RERE: variants seen among roughly 807,000 people sequenced by gnomAD.
RERE encodes arginine-glutamic acid dipeptide repeats protein.
RERE carries 40 observed loss-of-function variants against 146.1 expected under a neutral mutation model. That is an observed-to-expected ratio of 0.27 (90% confidence interval 0.21 to 0.36). The LOEUF (loss-of-function observed/expected upper bound fraction) is 0.36, where lower values mean the gene tolerates loss of function less well. Among genes scored for constraint, RERE ranks in the 10% least tolerant of loss-of-function variants. The probability of loss-of-function intolerance (pLI) is 1.00; values close to 1 mark genes in which losing one functional copy is unlikely to be tolerated. For synonymous variants in RERE, 1,003 were observed against 866.0 expected (o/e 1.16, Z -2.78); for missense variants, 1,933 against 2,138.7 (o/e 0.90, Z 1.90).
chr1:8,644,348 T>C (rs1003409354), intron 2 of RERE, among the ~76,000 whole-genome samples: 2 of 152,170 alleles, frequency 1.3e-5, no homozygotes, highest in African/African-American at 2.4e-5. Flanking sequence ...TAGCATGTGG[T>C]TGGAACGGTC....
chr1:8,574,403 G>A (rs1646263573), intron 4 of RERE, among the ~76,000 whole-genome samples: 1 of 132,262 alleles, frequency 7.6e-6, no homozygotes, highest in South Asian at 2.4e-4. Context: ...GGAGTGCAGT[G>A]GCACGATCTC....
At chr1:8,773,675 T>C (rs1178371365) in intron 1 of RERE, among the ~76,000 whole-genome samples, 2 of 152,038 alleles carry the variant, frequency 1.3e-5, no homozygotes, top group Non-Finnish European at 2.9e-5. Context: ...AACACAAAAA[T>C]TAGCCGGGCG....
Position 8,354,965 on chromosome 1 carries a change from A to G in RERE, c.*122T>C. On this transcript the variant is annotated 3_prime_UTR_variant, in exon 23 of 23. Coordinates refer to ENST00000400908, the MANE Select transcript of RERE (RefSeq NM_001042681.2). ...TACATTTTTAGTTGTGGGTTTTTAAATATATAAAGAAATCTTTAGAAGATA... is the reference window on the plus strand; with the variant it reads ...TACATTTTTAGTTGTGGGTTTTTAAGTATATAAAGAAATCTTTAGAAGATA... 1 of 787,800 alleles carries G rather than the reference A, an allele frequency of 1.3e-6. No homozygotes were observed. The highest frequency in any genetic ancestry group is 2.1e-6 in the Non-Finnish European group (1 of 485,638). The allele number at this position is 787,800 out of a possible 1,614,324, so 48.8% of individuals were successfully genotyped here.
At chr1:8,779,241 G>A (rs7513880) in intron 1 of RERE, among the ~76,000 whole-genome samples, 81,059 of 151,596 alleles carry the variant, frequency 0.53, 22,333 homozygotes, top group East Asian at 0.83. Context: ...TAGAATATAA[G>A]TTCCATCCGG....
At chr1:8,424,699 C>G (rs1163650066) in intron 11 of RERE, 2 of 152,198 alleles carry the variant, frequency 1.3e-5, no homozygotes, top group African/African-American at 4.8e-5. Flanking sequence ...GGAAGGCAGA[C>G]AGGTAAACAA....
chr1:8,565,682 G>A (rs1022391312), intron 4 of RERE, among the ~76,000 whole-genome samples: 4 of 152,220 alleles, frequency 2.6e-5, no homozygotes, highest in Non-Finnish European at 1.5e-5. Context: ...CTGCACTCCA[G>A]CCTGGGCAAC....
chr1:8,517,696 A>G (rs1423650970), intron 7 of RERE, among the ~76,000 whole-genome samples: 1 of 152,226 alleles, frequency 6.6e-6, no homozygotes, highest in African/African-American at 2.4e-5. Flanking sequence ...AAGTCATTGT[A>G]TATGAAATCT....
intron 6 of RERE, among the ~76,000 whole-genome samples, chr1:8,549,971 G>A (rs1188701429): frequency 1.3e-5 from 2 of 152,220 alleles, no homozygotes; most frequent in African/African-American, 4.8e-5. Context: ...ATAATTAAAT[G>A]CAATGTGGGA....
At position 8,364,403 on chromosome 1, in the gene RERE, C is replaced by CT; in HGVS notation, c.1541-149dup. The CT allele has an allele frequency of 1.4e-6, 1 of 702,366 alleles. No homozygotes were observed. The allele number at this position is 702,366 out of a possible 1,614,324, so 43.5% of individuals were successfully genotyped here. ...GGGCCCCAACACCCCAGGGCTAGTG[C>CT]TGCCCTGCTCCCCCAAGGCCAGGAG... On this transcript the variant is annotated intron_variant, in intron 14 of 22. Coordinates refer to ENST00000400908, the MANE Select transcript of RERE (RefSeq NM_001042681.2). This position sits in a 1 kb window ranked among gnomAD's most constrained non-coding sequence, Gnocchi z 5.1.
At chr1:8,431,501 TGTA>T in intron 11 of RERE, among the ~76,000 whole-genome samples, 1 of 152,130 alleles carries the variant, frequency 6.6e-6, no homozygotes. Context: ...CATATTACAA[TGTA>T]ATAATAATAG....
chr1:8,383,945 T>C (rs1224763212), intron 12 of RERE, among the ~76,000 whole-genome samples: 1 of 152,148 alleles, frequency 6.6e-6, no homozygotes, highest in Non-Finnish European at 1.5e-5. Context: ...TTTAAAAATA[T>C]TCACTTATGA....
intron 3 of RERE, among the ~76,000 whole-genome samples, chr1:8,618,059 T>A (rs1364815661): frequency 6.6e-6 from 1 of 152,246 alleles, no homozygotes; most frequent in East Asian, 1.9e-4. Context: ...AGTGAATTTA[T>A]TCCAGTTAAA....
chr1:8,739,584 C>A (rs907391422), intron 1 of RERE, among the ~76,000 whole-genome samples: 2 of 151,964 alleles, frequency 1.3e-5, no homozygotes, highest in South Asian at 4.2e-4. Flanking sequence ...TGCCAGCTGG[C>A]GGAGGAAAAG....
chr1:8,379,787 C>A (rs1230760590), intron 12 of RERE, among the ~76,000 whole-genome samples: 1 of 152,162 alleles, frequency 6.6e-6, no homozygotes, highest in African/African-American at 2.4e-5. Context: ...GGGGCTAACT[C>A]CCCAGAGGAG....
At chr1:8,674,612 A>AG (rs778870278) in intron 1 of RERE, among the ~76,000 whole-genome samples, 2 of 152,210 alleles carry the variant, frequency 1.3e-5, no homozygotes, top group South Asian at 4.1e-4. Flanking sequence ...TGTAAAATAA[A>AG]GACAGTAGAG....
intron 7 of RERE, among the ~76,000 whole-genome samples, chr1:8,537,589 T>C (rs1645743956): frequency 6.6e-6 from 1 of 152,214 alleles, no homozygotes; most frequent in South Asian, 2.1e-4. Context: ...TGGATCTATA[T>C]TACTATAGAT....
chr1:8,356,033 A>T lies in RERE; in HGVS notation c.4486+67T>A, dbSNP rs1487036280. The T allele has an allele frequency of 1.2e-5, 17 of 1,417,218 alleles. No individual in the cohort carries two copies. The East Asian group carries it at 2.7e-4, about 23-fold the overall frequency. 87.8% of individuals were successfully genotyped at this position (1,417,218 alleles called of 1,614,324 possible). A position where few individuals can be genotyped will look rare whatever the true frequency, so the allele number is the denominator to read the frequency against. On this transcript the variant is annotated intron_variant, in intron 21 of 22. Coordinates refer to ENST00000400908, the MANE Select transcript of RERE (RefSeq NM_001042681.2). This position sits in a 1 kb window ranked among gnomAD's most constrained non-coding sequence, Gnocchi z 5.2. ...ATGAATGAATGAGTAATGAATGAAG[A>T]CAGCAGACCAGACCCCAACCCAACC...
intron 1 of RERE, among the ~76,000 whole-genome samples, chr1:8,814,390 C>A (rs915756619): frequency 4.6e-5 from 7 of 152,212 alleles, no homozygotes; most frequent in East Asian, 1.9e-4. Flanking sequence ...AGTTTACAAG[C>A]CTTTGGGCAA....
chr1:8,656,877 G>A (rs1638325911), intron 1 of RERE, among the ~76,000 whole-genome samples: 2 of 152,144 alleles, frequency 1.3e-5, no homozygotes. Context: ...ATTTTGAGAG[G>A]CCAAGCCAGA....
Sources: allele counts gnomAD v4.1 joint callset (sites outside exome capture counted in the v4.1 genomes callset), GRCh38; gene constraint gnomAD v4.1.1; non-coding constraint Gnocchi (gnomAD v3.1); transcripts MANE v1.5; gene names NCBI Gene and HGNC (gene_info 2026-07-23, HGNC 2026-07-21).